CDH6: variants seen among roughly 807,000 people sequenced by gnomAD.
CDH6 encodes cadherin 6.
CDH6 carries 31 observed loss-of-function variants against 78.0 expected under a neutral mutation model. The observed-to-expected ratio is 0.40, with a 90% CI of 0.30 to 0.54. The LOEUF (loss-of-function observed/expected upper bound fraction) is 0.54. CDH6 is among the 20% of genes least tolerant of loss of function. CDH6 has a pLI of 0.56. For missense variants in CDH6, 724 were observed against 975.9 expected (o/e 0.74, Z 3.44); for synonymous variants, 376 against 368.8 (o/e 1.02, Z -0.23).
rs1554012033 is a variant in CDH6, at chr5:31,326,681, A to AAT, written c.*3373_*3374insAT. 6.9e-4 allele frequency: 86 copies of AAT among 123,812 alleles called. No homozygotes were observed. Among genetic ancestry groups the AAT allele is most frequent in the Non-Finnish European group, 1.2e-3 (73 of 61,810 alleles). The allele number at this position is 123,812 out of a possible 1,614,324, so 7.7% of individuals were successfully genotyped here. On this transcript the variant is annotated 3_prime_UTR_variant, in exon 12 of 12. Transcript: ENST00000265071. ...AAAGAGTTGTGCAGAAAATCTTAAA[A>AAT]TTTTTTTTTTTTTTTTTTTTTTTTT...
chr5:31,226,950 G>A (rs554515114), intron 1 of CDH6, among the ~76,000 whole-genome samples: 1 of 152,210 alleles, frequency 6.6e-6, no homozygotes, highest in South Asian at 2.1e-4. Context: ...TGGTCTCATG[G>A]CTTTCATAAG....
At chr5:31,252,856 C>A (rs1741946864) in intron 1 of CDH6, among the ~76,000 whole-genome samples, 1 of 151,880 alleles carries the variant, frequency 6.6e-6, no homozygotes, top group South Asian at 2.1e-4. Context: ...GTTACATGTG[C>A]TAGTCTCATA....
chr5:31,276,960 CT>C (rs900319924), intron 2 of CDH6, among the ~76,000 whole-genome samples: 2 of 152,244 alleles, frequency 1.3e-5, no homozygotes, highest in African/African-American at 4.8e-5. Flanking sequence ...TGAAGTGTGC[CT>C]TCAAAGAACA....
rs539863554 is a variant in CDH6 at position 31,221,679 on chromosome 5, C to T, written c.-129+27793C>T. Among the ~76,000 whole-genome samples, 14 of 152,226 alleles carry T rather than the reference C, an allele frequency of 9.2e-5. No homozygotes were observed. In the South Asian group the frequency reaches 2.9e-3, roughly 32 times the overall value. ...GCCATCTTGCACTTGATCTTTTATT[C>T]ACAATTTGCACAAGCTAACAAGCTT... On this transcript the variant is annotated intron_variant, in intron 1 of 11. Transcript: ENST00000265071.
chr5:31,311,823 C>T (rs1295976268), intron 7 of CDH6, among the ~76,000 whole-genome samples: 4 of 152,174 alleles, frequency 2.6e-5, no homozygotes, highest in Non-Finnish European at 5.9e-5. Flanking sequence ...CCATCACGCC[C>T]CTCCTTTGAC....
At chr5:31,196,602 T>C (rs1561192204) in intron 1 of CDH6, among the ~76,000 whole-genome samples, 1 of 152,222 alleles carries the variant, frequency 6.6e-6, no homozygotes, top group African/African-American at 2.4e-5. Flanking sequence ...ATGGATTTTG[T>C]TACCTAAGAT....
At chr5:31,198,224 G>A (rs1306487888) in intron 1 of CDH6, among the ~76,000 whole-genome samples, 1 of 152,146 alleles carries the variant, frequency 6.6e-6, no homozygotes, top group African/African-American at 2.4e-5. Flanking sequence ...TAAATGTGGA[G>A]TAGACTCATA....
intron 2 of CDH6, among the ~76,000 whole-genome samples, chr5:31,274,618 G>A (rs1742637150): frequency 6.6e-6 from 1 of 152,178 alleles, no homozygotes; most frequent in African/African-American, 2.4e-5. Flanking sequence ...TCAGGAATTC[G>A]AGACCAGCCT....
Position 31,290,356 on chromosome 5 carries a change from T to A in CDH6, c.229-3606T>A, listed in dbSNP as rs190830284. Among the ~76,000 whole-genome samples the A allele has an allele frequency of 9.9e-5, 15 of 152,280 alleles. 3 individuals are homozygous for A. The highest frequency in any genetic ancestry group is 3.4e-4 in the African/African-American group (14 of 41,558). ...ATGCTACAGGTACAGTAGTAAAAAG[T>A]CTTACCAGCGACAGGTGAGATGTGA... On this transcript the variant is annotated intron_variant, in intron 2 of 11. Coordinates refer to ENST00000265071, the MANE Select transcript of CDH6 (RefSeq NM_004932.4).
chr5:31,324,461 A>G lies in CDH6; in HGVS notation c.*1153A>G, dbSNP rs975347932. 5 of 214,446 alleles carry G rather than the reference A, an allele frequency of 2.3e-5. No homozygotes were observed. The highest frequency in any genetic ancestry group is 2.3e-5 in the African/African-American group (1 of 44,330). The allele number at this position is 214,446 out of a possible 1,614,324, so 13.3% of individuals were successfully genotyped here. A position where few individuals can be genotyped will look rare whatever the true frequency, so the allele number is the denominator to read the frequency against. ...TATAACGTGATACATTTGGATAAAC[A>G]ACATTGAGATTATGATGAAAACCTA... is the stretch of plus-strand genomic sequence containing the variant. On this transcript the variant is annotated 3_prime_UTR_variant, in exon 12 of 12. Coordinates refer to ENST00000265071, the MANE Select transcript of CDH6 (RefSeq NM_004932.4).
intron 1 of CDH6, among the ~76,000 whole-genome samples, chr5:31,204,943 A>G (rs1276474207): frequency 1.3e-5 from 2 of 152,204 alleles, no homozygotes; most frequent in Non-Finnish European, 2.9e-5. Context: ...TAAGAATGAT[A>G]TTCAGCCAAG....
At chr5:31,304,628 T>C (rs1247603741) in intron 6 of CDH6, among the ~76,000 whole-genome samples, 1 of 135,996 alleles carries the variant, frequency 7.4e-6, no homozygotes, top group Non-Finnish European at 1.5e-5. Context: ...GTGGTTGCAG[T>C]GAGCCGAGAT....
chr5:31,253,327 G>T (rs1010568612), intron 1 of CDH6, among the ~76,000 whole-genome samples: 1 of 152,180 alleles, frequency 6.6e-6, no homozygotes, highest in Non-Finnish European at 1.5e-5. Flanking sequence ...AGATCTGATG[G>T]TTTTACAAGG....
intron 2 of CDH6, among the ~76,000 whole-genome samples, chr5:31,277,170 T>A (rs1247979582): frequency 6.6e-6 from 1 of 152,150 alleles, no homozygotes; most frequent in East Asian, 1.9e-4. Flanking sequence ...ATAAGAAAAA[T>A]AATATGCACA....
At chr5:31,254,800 G>GT (rs1384034225) in intron 1 of CDH6, among the ~76,000 whole-genome samples, 2 of 152,196 alleles carry the variant, frequency 1.3e-5, no homozygotes, top group Non-Finnish European at 2.9e-5. Flanking sequence ...ATAACCGGAT[G>GT]TATCTTAGAA....
intron 2 of CDH6, among the ~76,000 whole-genome samples, chr5:31,273,735 A>G (rs1579872020): frequency 1.5e-5 from 1 of 68,762 alleles, no homozygotes; most frequent in South Asian, 5.8e-4. Flanking sequence ...AAAGGTAGAG[A>G]AAAAAAAATT....
At chr5:31,252,001 C>A (rs1741921856) in intron 1 of CDH6, 1 of 152,162 alleles carries the variant, frequency 6.6e-6, no homozygotes, top group Non-Finnish European at 1.5e-5. Flanking sequence ...ACATTTTAGT[C>A]CATATCCATC....
chr5:31,327,178 A>G lies in CDH6; in HGVS notation c.*3870A>G, dbSNP rs1738641429. On this transcript the variant is annotated 3_prime_UTR_variant, in exon 12 of 12. Transcript: ENST00000265071. Reference sequence around the variant, plus strand: ...CACTGGGGATAGTGGTGTGTAAACTATGACTTGGACAATTCTATATACTCA... The same window carrying G: ...CACTGGGGATAGTGGTGTGTAAACTGTGACTTGGACAATTCTATATACTCA... The G allele has an allele frequency of 5.4e-6, 1 of 185,030 alleles. No individual in the cohort carries two copies. Among genetic ancestry groups the G allele is most frequent in the Non-Finnish European group, 1.1e-5 (1 of 87,386 alleles). The allele number at this position is 185,030 out of a possible 1,614,324, so 11.5% of individuals were successfully genotyped here.
At chr5:31,313,159 G>A (rs1738202219) in intron 7 of CDH6, among the ~76,000 whole-genome samples, 159 bp from the exon 8 acceptor site, 1 of 152,100 alleles carries the variant, frequency 6.6e-6, no homozygotes, top group African/African-American at 2.4e-5. Context: ...TTTACTTAAT[G>A]TCAGGTTGTA....
Sources: allele counts gnomAD v4.1 joint callset (sites outside exome capture counted in the v4.1 genomes callset), GRCh38; gene constraint gnomAD v4.1.1; transcripts MANE v1.5; gene names NCBI Gene and HGNC (gene_info 2026-07-23, HGNC 2026-07-21).